Variants in KLRD1 observed in about 807,000 individuals in gnomAD.
KLRD1 encodes the protein natural killer cells antigen CD94.
A neutral mutation model predicts 22.6 loss-of-function variants in KLRD1; 21 were observed. The ratio of observed to expected loss-of-function variants is 0.93; its 90% CI spans 0.66 to 1.34. The LOEUF (loss-of-function observed/expected upper bound fraction) is 1.34. KLRD1 is among the 40% of genes most tolerant of loss of function. The pLI is 0.00. For synonymous variants in KLRD1, 59 were observed against 71.1 expected (o/e 0.83, Z 0.85); for missense variants, 183 against 208.6 (o/e 0.88, Z 0.76).
At position 10,274,712 on chromosome 12, in the gene KLRD1, T is replaced by C. The variant is rs148366860; in HGVS notation, c.-100-33266T>C. 7.4e-4 allele frequency among the ~76,000 whole-genome samples: 113 copies of C among 152,326 alleles called. 1 individual carries two copies. The East Asian group carries it at 0.019, about 25-fold the overall frequency. On this transcript the variant is annotated intron_variant, in intron 1 of 5. Transcript: ENST00000544747. ...CTAAGTAGACATTAAATATATCCAA[T>C]ATATTATTTTGTCTTTCAAAAAATT...
chr12:10,286,661 G>GT (rs1565459881), intron 1 of KLRD1, among the ~76,000 whole-genome samples: 114 of 49,248 alleles, frequency 2.3e-3, no homozygotes, highest in Admixed American at 3.2e-3. Flanking sequence ...CGCTTATGGT[G>GT]CTTTTTTTTT....
At chr12:10,278,239 G>C (rs969081452) in intron 1 of KLRD1, among the ~76,000 whole-genome samples, 3 of 152,134 alleles carry the variant, frequency 2.0e-5, no homozygotes, top group Non-Finnish European at 1.5e-5. Context: ...CGCTTTCCTA[G>C]GTGATAGTAT....
At chr12:10,291,322 T>C (rs1201357040) in intron 1 of KLRD1, among the ~76,000 whole-genome samples, 1 of 152,204 alleles carries the variant, frequency 6.6e-6, no homozygotes, top group East Asian at 1.9e-4. Flanking sequence ...GTTTGCTGCA[T>C]TGACTGACTC....
intron 1 of KLRD1, among the ~76,000 whole-genome samples, chr12:10,294,955 A>G (rs1483254411): frequency 1.3e-5 from 2 of 152,230 alleles, no homozygotes; most frequent in Admixed American, 6.5e-5. Context: ...AGACAGCGCT[A>G]ACATCTATAA....
chr12:10,254,067 C>T (rs560679867), intron 1 of KLRD1, among the ~76,000 whole-genome samples: 40 of 152,096 alleles, frequency 2.6e-4, no homozygotes, highest in South Asian at 6.2e-4. Flanking sequence ...CAAAAGCAAT[C>T]GCAACAAAAG....
At chr12:10,263,543 A>C (rs1949472905) in intron 1 of KLRD1, among the ~76,000 whole-genome samples, 1 of 152,056 alleles carries the variant, frequency 6.6e-6, no homozygotes, top group South Asian at 2.1e-4. Context: ...CGTATAAAAG[A>C]TTTGGGAGAC....
chr12:10,287,934 G>A (rs1348403668), intron 1 of KLRD1, among the ~76,000 whole-genome samples: 1 of 152,070 alleles, frequency 6.6e-6, no homozygotes, highest in Non-Finnish European at 1.5e-5. Flanking sequence ...CGGGCGTGGT[G>A]GCGGGCGCCT....
At chr12:10,266,511 GA>G (rs1412523281) in intron 1 of KLRD1, among the ~76,000 whole-genome samples, 7 of 151,782 alleles carry the variant, frequency 4.6e-5, no homozygotes, top group African/African-American at 1.7e-4. Context: ...ATATGGATTT[GA>G]ATACGTATTC....
In KLRD1 at chr12:10,320,967, T is replaced by C. The variant is rs1036712608; in HGVS notation, c.*6174T>C. 1 of 152,182 alleles carries C rather than the reference T, an allele frequency of 6.6e-6. No individual in the cohort carries two copies. The highest frequency in any genetic ancestry group is 6.5e-5 in the Admixed American group (1 of 15,280). The allele number at this position is 152,182 out of a possible 1,614,324, so 9.4% of individuals were successfully genotyped here. A position where few individuals can be genotyped will look rare whatever the true frequency, so the allele number is the denominator to read the frequency against. ...GAGTTCATAGAAAACCTCAAAACAC[T>C]TTTGAGATGACTATGTCAGTAGAAA... On this transcript the variant is annotated 3_prime_UTR_variant, in exon 6 of 6. Transcript: ENST00000336164.
intron 1 of KLRD1, among the ~76,000 whole-genome samples, chr12:10,262,653 G>A (rs1363556080): frequency 6.6e-6 from 1 of 151,968 alleles, no homozygotes; most frequent in African/African-American, 2.4e-5. Flanking sequence ...ATGTTGCAAT[G>A]TGCAGTCTCA....
At chr12:10,311,339 T>G (rs1170434981) in intron 3 of KLRD1, 125 bp from the exon 4 acceptor site, 9 of 748,842 alleles carry the variant, frequency 1.2e-5, no homozygotes, top group Admixed American at 5.7e-5. Flanking sequence ...CCCTGAAGTG[T>G]GGTGTATACA....
chr12:10,270,752 C>T (rs549470163), intron 1 of KLRD1, among the ~76,000 whole-genome samples: 70 of 151,596 alleles, frequency 4.6e-4, no homozygotes, highest in Non-Finnish European at 7.7e-4. Flanking sequence ...CTTCAGAAAT[C>T]CTACTGTGGG....
At chr12:10,244,204 C>T (rs1000357448) in intron 1 of KLRD1, among the ~76,000 whole-genome samples, 7 of 152,146 alleles carry the variant, frequency 4.6e-5, no homozygotes, top group Admixed American at 2.6e-4. Flanking sequence ...GAACTCTATC[C>T]TATGATTTTG....
intron 1 of KLRD1, among the ~76,000 whole-genome samples, chr12:10,293,226 A>G (rs1415140461): frequency 1.5e-5 from 2 of 132,934 alleles, no homozygotes; most frequent in Admixed American, 1.5e-4. Flanking sequence ...TTCTTCAAGT[A>G]CTCTTTCTTT....
chr12:10,255,736 G>C (rs1214792893), intron 1 of KLRD1, among the ~76,000 whole-genome samples: 1 of 152,116 alleles, frequency 6.6e-6, no homozygotes, highest in Non-Finnish European at 1.5e-5. Context: ...ATTAAGACCA[G>C]TTTTGTGGTC....
chr12:10,278,559 T>C (rs1949612495), intron 1 of KLRD1, among the ~76,000 whole-genome samples: 2 of 152,190 alleles, frequency 1.3e-5, no homozygotes, highest in African/African-American at 4.8e-5. Context: ...CCTGAACTAG[T>C]GCTGTCTTGA....
rs547265838 is a variant in KLRD1, at chr12:10,297,228, A to G, written c.-100-10750A>G. 7.9e-5 allele frequency among the ~76,000 whole-genome samples: 12 copies of G among 152,312 alleles called. No homozygotes were observed. In the South Asian group the frequency reaches 2.1e-3, roughly 26 times the overall value. ...GACACCATCTCTTTTTGATCATTCT[A>G]TGGAATACAGGGAAAGAGAAACGTT... is the stretch of plus-strand genomic sequence containing the variant. On this transcript the variant is annotated intron_variant, in intron 1 of 5. Coordinates refer to the KLRD1 transcript ENST00000544747.
rs1257774276 is a variant in KLRD1, at chr12:10,309,398, C to T, written c.18C>T (p.Thr6=). The T allele has an allele frequency of 1.4e-6, 2 of 1,476,442 alleles. No individual in the cohort carries two copies. Among genetic ancestry groups the T allele is most frequent in the Non-Finnish European group, 1.9e-6 (2 of 1,054,362 alleles). 91.5% of individuals were successfully genotyped at this position (1,476,442 alleles called of 1,614,324 possible). ...TGTCTTTCTCTACAGTGTTTAAGAC[C>T]ACTCTGTGGAGGTTAATTTCTGGGA... The part of the protein sequence containing the change: MAVFK[T]TLWRLISGTL... The change falls in exon 2 of 6, where the codon ACC becomes ACT. Residue 6 remains threonine (T), a synonymous_variant. Transcript: ENST00000336164.
chr12:10,294,194 T>G (rs1949801762), intron 1 of KLRD1, among the ~76,000 whole-genome samples: 2 of 152,212 alleles, frequency 1.3e-5, no homozygotes, highest in Non-Finnish European at 2.9e-5. Context: ...TGTTCTTTAC[T>G]CTTGTCTTTT....
Sources: gnomAD v4.1 joint callset for allele counts (sites outside exome capture counted in the v4.1 genomes callset) on GRCh38, gnomAD v4.1.1 for gene constraint, MANE v1.5 for transcripts, NCBI Gene and HGNC (gene_info 2026-07-23, HGNC 2026-07-21) for gene names.